The following PLXNA4 variants were observed in gnomAD, a reference collection of about 807,000 sequenced individuals.
The protein encoded by PLXNA4 is plexin A4.
A neutral mutation model predicts 191.8 loss-of-function variants in PLXNA4; 44 were observed. The ratio of observed to expected loss-of-function variants is 0.23; its 90% confidence interval spans 0.18 to 0.29. The LOEUF is 0.29. Ranked by LOEUF, PLXNA4 falls within the 10% of genes least tolerant of loss-of-function variation. The probability of loss-of-function intolerance (pLI) is 1.00; values close to 1 mark genes in which losing one functional copy is unlikely to be tolerated. For synonymous variants in PLXNA4, 1,082 were observed against 1,009.5 expected, an observed-to-expected ratio of 1.07 and a Z score of -1.36; for missense variants, 1,800 against 2,488.8, an observed-to-expected ratio of 0.72 and a Z score of 5.89.
At chr7:132,188,784 G>A (rs918244224) in intron 14 of PLXNA4, among the ~76,000 whole-genome samples, 1 of 151,926 alleles carries the variant, frequency 6.6e-6, no homozygotes, top group Non-Finnish European at 1.5e-5. Context: ...ATCTCGCTGT[G>A]TGACTCTGGA....
At chr7:132,267,570 A>G (rs1387958808) in intron 4 of PLXNA4, among the ~76,000 whole-genome samples, 1 of 152,224 alleles carries the variant, frequency 6.6e-6, no homozygotes, top group Non-Finnish European at 1.5e-5. Flanking sequence ...GCTGGGAACC[A>G]CATGGCAATC....
At chr7:132,525,648 G>C (rs538431459) in intron 1 of PLXNA4, among the ~76,000 whole-genome samples, 15 of 152,198 alleles carry the variant, frequency 9.9e-5, no homozygotes, top group Non-Finnish European at 2.1e-4. Context: ...GGAAGACCTA[G>C]AGAAAACTTG....
chr7:132,238,543 G>C (rs1798777944), intron 5 of PLXNA4, among the ~76,000 whole-genome samples: 1 of 152,256 alleles, frequency 6.6e-6, no homozygotes, highest in Non-Finnish European at 1.5e-5. Context: ...GGTGCCAGCA[G>C]CAGCAGCAGA....
chr7:132,569,646 T>C (rs1329252482), intron 1 of PLXNA4, among the ~76,000 whole-genome samples: 4 of 152,276 alleles, frequency 2.6e-5, no homozygotes, highest in Non-Finnish European at 4.4e-5. Flanking sequence ...GTTAGAGTTA[T>C]CTACATCTAT....
intron 3 of PLXNA4, among the ~76,000 whole-genome samples, chr7:132,376,683 G>C (rs1804669468): frequency 6.6e-6 from 1 of 152,192 alleles, no homozygotes; most frequent in African/African-American, 2.4e-5. Flanking sequence ...TCTCCACCCT[G>C]CAGTGGAGGC....
chr7:132,202,708 C>G lies in PLXNA4; in HGVS notation c.2524G>C (p.Glu842Gln). The G allele has an allele frequency of 1.3e-6, 2 of 1,598,654 alleles. No individual in the cohort carries two copies. The highest frequency in any genetic ancestry group is 1.1e-5 in the South Asian group (1 of 88,846). The change falls in exon 12 of 32, where the codon GAG (glutamate) becomes CAG (glutamine). Residue 842 changes from glutamate (E) to glutamine (Q), a missense_variant. Coordinates refer to ENST00000321063, the MANE Select transcript of PLXNA4 (RefSeq NM_020911.2). ...CCAGACAGCTCCAGCCACTGGCTCT[C>G]CTGGGCAGGGCAGTGCTGGCGCAGG... ...CTLRQHCPAQ[E>Q]SQWLELSGAK...
intron 3 of PLXNA4, among the ~76,000 whole-genome samples, chr7:132,339,532 C>T (rs1312202179): frequency 1.3e-5 from 2 of 152,282 alleles, no homozygotes; most frequent in South Asian, 4.1e-4. Flanking sequence ...AAGATATTTA[C>T]TGTGTACCTA....
intron 23 of PLXNA4, among the ~76,000 whole-genome samples, chr7:132,164,544 G>A (rs942172039): frequency 3.3e-5 from 5 of 152,020 alleles, no homozygotes; most frequent in African/African-American, 1.2e-4. Context: ...CCTCTCCAGG[G>A]CTCTTTCTTC....
intron 25 of PLXNA4, among the ~76,000 whole-genome samples, chr7:132,151,617 A>G (rs1795647444): frequency 8.6e-5 from 12 of 140,098 alleles, no homozygotes; most frequent in Non-Finnish European, 1.2e-4. Context: ...GGAGGGGGAG[A>G]AGGGGAAGGA....
chr7:132,508,832 AC>A lies in PLXNA4; in HGVS notation c.-86-54del. On this transcript the variant is annotated intron_variant, in intron 1 of 31. Transcript: ENST00000321063. The surrounding 1 kb of genome is among the most constrained non-coding windows in gnomAD (Gnocchi z 4.4). ...ATAACAATGCCAGTGGCTTCATTTC[AC>A]CCCACAGCTTGTCTGCCTGGACTTT... 4 of 1,399,822 alleles carry A rather than the reference AC, an allele frequency of 2.9e-6. No homozygotes were observed. The highest frequency in any genetic ancestry group is 3.7e-6 in the Non-Finnish European group (4 of 1,068,972). The allele number at this position is 1,399,822 out of a possible 1,614,324, so 86.7% of individuals were successfully genotyped here.
At chr7:132,439,787 G>T (rs1449295877) in intron 3 of PLXNA4, among the ~76,000 whole-genome samples, 1 of 152,168 alleles carries the variant, frequency 6.6e-6, no homozygotes, top group African/African-American at 2.4e-5. Context: ...AAGGCCCTAG[G>T]ACAGTTTCCT....
At chr7:132,559,410 G>A (rs565123870) in intron 1 of PLXNA4, among the ~76,000 whole-genome samples, 7 of 152,166 alleles carry the variant, frequency 4.6e-5, no homozygotes, top group African/African-American at 9.6e-5. Context: ...TAGATCCATC[G>A]TTTCACTTGA....
At chr7:132,234,207 C>T (rs950782563) in intron 5 of PLXNA4, among the ~76,000 whole-genome samples, 1 of 152,192 alleles carries the variant, frequency 6.6e-6, no homozygotes, top group Non-Finnish European at 1.5e-5. Flanking sequence ...CTGCCTATTA[C>T]CTGAGACACA....
At chr7:132,172,758 T>TATAATAATAATAATAATAATAATA (rs10651247) in intron 21 of PLXNA4, among the ~76,000 whole-genome samples, 65 of 149,022 alleles carry the variant, frequency 4.4e-4, no homozygotes, top group African/African-American at 1.0e-3. Flanking sequence ...AAACTTAAAG[T>TATAATAATAATAATAATAATAATA]ATAATAATAA....
At chr7:132,172,583 G>T (rs534408911) in intron 21 of PLXNA4, among the ~76,000 whole-genome samples, 3 of 115,650 alleles carry the variant, frequency 2.6e-5, no homozygotes, top group African/African-American at 2.0e-4. Flanking sequence ...AGAAGGGGTT[G>T]GAAAAAAAGC....
intron 25 of PLXNA4, among the ~76,000 whole-genome samples, chr7:132,152,778 C>T (rs1439177717): frequency 6.6e-6 from 1 of 152,200 alleles, no homozygotes; most frequent in East Asian, 1.9e-4. Context: ...AGATGCTGAG[C>T]TCAGAGAGAG....
At chr7:132,150,521 C>CA (rs1255354406) in intron 25 of PLXNA4, among the ~76,000 whole-genome samples, 8 of 151,374 alleles carry the variant, frequency 5.3e-5, no homozygotes, top group East Asian at 1.9e-4. Flanking sequence ...TGGGGCACAA[C>CA]AAAAAAAAGG....
chr7:132,331,416 G>C (rs17166358), intron 3 of PLXNA4, among the ~76,000 whole-genome samples: 14,165 of 152,278 alleles, frequency 0.093, 846 homozygotes, highest in Admixed American at 0.2. Context: ...GCTCTTCCCA[G>C]TCAGAGCCAC....
intron 3 of PLXNA4, among the ~76,000 whole-genome samples, chr7:132,388,272 T>C (rs1235680593): frequency 2.0e-5 from 3 of 152,094 alleles, no homozygotes; most frequent in Admixed American, 6.5e-5. Context: ...TCGATCCGAC[T>C]TCCATAGGAG....
Sources: gnomAD v4.1 joint callset for allele counts (sites outside exome capture counted in the v4.1 genomes callset) on GRCh38, gnomAD v4.1.1 for gene constraint, Gnocchi (gnomAD v3.1) non-coding constraint, MANE v1.5 for transcripts, NCBI Gene and HGNC (gene_info 2026-07-23, HGNC 2026-07-21) for gene names.